DMTN: variants seen among roughly 807,000 people sequenced by gnomAD.
DMTN encodes dematin.
DMTN carries 27 observed loss-of-function variants against 59.4 expected under a neutral mutation model. That is an observed-to-expected ratio of 0.45 (90% CI 0.33 to 0.63). The LOEUF (loss-of-function observed/expected upper bound fraction) is 0.63, where lower values mean the gene tolerates loss of function less well. Among genes scored for constraint, DMTN ranks in the 20% least tolerant of loss-of-function variants. The pLI is 0.02. For synonymous variants in DMTN, 221 were observed against 203.7 expected, an observed-to-expected ratio of 1.08 and a Z score of -0.72; for missense variants, 451 against 528.9, an observed-to-expected ratio of 0.85 and a Z score of 1.45.
intron 1 of DMTN, among the ~76,000 whole-genome samples, chr8:22,059,931 C>T (rs369298294): frequency 1.3e-5 from 2 of 151,716 alleles, no homozygotes; most frequent in Admixed American, 1.3e-4. Context: ...GCCCAGTGGG[C>T]GGGTCTTATC....
chr8:22,056,033 C>T (rs1470172084), upstream of DMTN, among the ~76,000 whole-genome samples: 1 of 152,176 alleles, frequency 6.6e-6, no homozygotes, highest in African/African-American at 2.4e-5. Context: ...TTGTCCTTCC[C>T]CATCCTGCCC....
chr8:22,073,053 G>A (rs1229241116), intron 9 of DMTN, among the ~76,000 whole-genome samples: 1 of 152,176 alleles, frequency 6.6e-6, no homozygotes, highest in African/African-American at 2.4e-5. Context: ...ATGGGCTACA[G>A]GCCTCCAGGG....
rs967386857 is a variant in DMTN, at chr8:22,057,090, G to C, written c.-218G>C. ...CCCGTGGATCTGGCCTACGCCTCTC[G>C]GGCCTCTGTGGCCTCAGAGCGTCTG... On this transcript the variant is annotated 5_prime_UTR_variant, in exon 1 of 16. Coordinates refer to ENST00000358242, the MANE Select transcript of DMTN (RefSeq NM_001387751.1). The C allele has an allele frequency of 6.6e-6, 1 of 152,338 alleles. No individual in the cohort carries two copies. The highest frequency in any genetic ancestry group is 1.5e-5 in the Non-Finnish European group (1 of 68,152). The allele number at this position is 152,338 out of a possible 1,614,324, so 9.4% of individuals were successfully genotyped here.
At chr8:22,077,401 G>A (rs1820666290) in intron 10 of DMTN, among the ~76,000 whole-genome samples, 1 of 152,156 alleles carries the variant, frequency 6.6e-6, no homozygotes, top group Non-Finnish European at 1.5e-5. Context: ...GAGCAGAGGT[G>A]AAAACCACTG....
At chr8:22,056,297 C>T (rs1224351970), upstream of DMTN, among the ~76,000 whole-genome samples, 1 of 152,174 alleles carries the variant, frequency 6.6e-6, no homozygotes, top group East Asian at 1.9e-4. Flanking sequence ...TGCATCCCTC[C>T]ATTCTACCCT....
intron 1 of DMTN, among the ~76,000 whole-genome samples, chr8:22,061,746 C>G (rs911098250): frequency 1.4e-5 from 2 of 142,724 alleles, no homozygotes; most frequent in African/African-American, 5.5e-5. Context: ...AACCTTAATT[C>G]TCATTTTTTT....
chr8:22,061,580 C>T (rs1421083479), intron 1 of DMTN, among the ~76,000 whole-genome samples: 1 of 152,080 alleles, frequency 6.6e-6, no homozygotes, highest in East Asian at 1.9e-4. Flanking sequence ...GTGCCCCTCC[C>T]CCCGGTGGTG....
upstream of DMTN, among the ~76,000 whole-genome samples, chr8:22,055,787 C>A (rs893781728): frequency 1.3e-5 from 2 of 152,124 alleles, no homozygotes; most frequent in African/African-American, 4.8e-5. Flanking sequence ...CAGCCAGATA[C>A]TTTCTGTCCC....
intron 4 of DMTN, among the ~76,000 whole-genome samples, chr8:22,068,150 C>A (rs556528292): frequency 1.3e-5 from 2 of 152,158 alleles, no homozygotes; most frequent in Middle Eastern, 6.8e-3. Context: ...CGTGGCTGAC[C>A]AGTGACAGGG....
At chr8:22,059,923 C>T (rs902052299) in intron 1 of DMTN, among the ~76,000 whole-genome samples, 2 of 152,010 alleles carry the variant, frequency 1.3e-5, no homozygotes, top group Admixed American at 1.3e-4. Context: ...CTCGGAGGGC[C>T]CAGTGGGCGG....
intron 14 of DMTN, 79 bp from the exon 15 acceptor site, chr8:22,081,034 C>A: frequency 6.6e-7 from 1 of 1,507,802 alleles, no homozygotes; most frequent in Non-Finnish European, 9.2e-7. Flanking sequence ...GTGGCCTCTG[C>A]AGGTTGATGT....
At position 22,064,620 on chromosome 8, in the gene DMTN, A is replaced by G. The variant is rs573327851; in HGVS notation, c.-171-2085A>G. On this transcript the variant is annotated intron_variant, in intron 1 of 15. Transcript: ENST00000358242. Reference sequence around the variant, plus strand: ...ACTACAGGCGCCCGCCACCACGCCTAGCTAATTTTTTGTATTTTTAGTAGA... The same window carrying G: ...ACTACAGGCGCCCGCCACCACGCCTGGCTAATTTTTTGTATTTTTAGTAGA... 1.2e-3 allele frequency among the ~76,000 whole-genome samples: 179 copies of G among 152,232 alleles called. 1 individual carries two copies. Among genetic ancestry groups the G allele is most frequent in the Non-Finnish European group, 2.1e-3 (144 of 68,014 alleles).
intron 8 of DMTN, 84 bp downstream of exon 8, chr8:22,070,418 C>G: frequency 6.8e-7 from 1 of 1,477,726 alleles, no homozygotes; most frequent in Non-Finnish European, 9.0e-7. Flanking sequence ...GTCCGTGAAC[C>G]CACTCCCACC....
chr8:22,067,678 G>C lies in DMTN; in HGVS notation c.245G>C (p.Arg82Pro), dbSNP rs149654747. The part of the protein sequence containing the change: ...LLEHVELPRS[R>P]ERSLSPKSTS... ...GAACACGTGGAGCTGCCTCGCAGCC[G>C]CGAGGTGAGGGGGCTCCTCTTGGGC... The change falls in exon 4 of 16, where the codon CGC becomes CCC. Residue 82 changes from arginine (R) to proline (P), a missense_variant. By Grantham distance (103) the Arg-to-Pro change is moderately radical. Coordinates refer to ENST00000358242, the MANE Select transcript of DMTN (RefSeq NM_001387751.1). 3.1e-6 allele frequency: 5 copies of C among 1,613,574 alleles called. No homozygotes were observed. The African/African-American group carries it at 6.7e-5, about 22-fold the overall frequency.
chr8:22,076,159 T>G (rs769900381), intron 10 of DMTN, among the ~76,000 whole-genome samples: 2 of 152,106 alleles, frequency 1.3e-5, no homozygotes, highest in Non-Finnish European at 2.9e-5. Context: ...GTTTTGGACA[T>G]GTGGGGTTTG....
At chr8:22,059,605 T>C (rs1804827860) in intron 1 of DMTN, 1 of 152,280 alleles carries the variant, frequency 6.6e-6, no homozygotes, top group South Asian at 2.1e-4. Context: ...GTAGGGATTC[T>C]GGCTTGGCTT....
In DMTN at chr8:22,067,604, G is replaced by A; in HGVS notation, c.171G>A (p.Glu57=). ...AGGACAAGGCCATCCTGGACATCGAGCGGCCCGACCTCATGATCTACGAGC... is the reference window on the plus strand; with the variant it reads ...AGGACAAGGCCATCCTGGACATCGAACGGCCCGACCTCATGATCTACGAGC... The part of the protein sequence containing the change: ...IPKDKAILDI[E]RPDLMIYEPH... Residue 57 remains glutamate, a synonymous_variant, in exon 4 of 16, where the codon GAG becomes GAA. Coordinates refer to ENST00000358242, the MANE Select transcript of DMTN (RefSeq NM_001387751.1). The A allele has an allele frequency of 1.9e-6, 3 of 1,614,162 alleles. No homozygotes were observed. The highest frequency in any genetic ancestry group is 2.5e-6 in the Non-Finnish European group (3 of 1,180,034).
upstream of DMTN, among the ~76,000 whole-genome samples, chr8:22,056,195 G>T (rs1035112105): frequency 6.6e-6 from 1 of 152,164 alleles, no homozygotes; most frequent in Non-Finnish European, 1.5e-5. Flanking sequence ...GAGAGATGGG[G>T]TCCTTCTCTC....
upstream of DMTN, among the ~76,000 whole-genome samples, chr8:22,052,052 T>C (rs1438279548): frequency 6.6e-6 from 1 of 151,882 alleles, no homozygotes; most frequent in Non-Finnish European, 1.5e-5. Context: ...ACCTGGCGTG[T>C]CCTGCTCTAG....
Sources: gnomAD v4.1 joint callset for allele counts (sites outside exome capture counted in the v4.1 genomes callset) on GRCh38, gnomAD v4.1.1 for gene constraint, MANE v1.5 for transcripts, NCBI Gene and HGNC (gene_info 2026-07-23, HGNC 2026-07-21) for gene names.